Variants in SLC22A23 observed in about 807,000 individuals in gnomAD.
The protein encoded by SLC22A23 is ion transporter protein.
Under a neutral mutation model 61.0 loss-of-function variants are expected in SLC22A23, and 26 were observed. The ratio of observed to expected loss-of-function variants is 0.43; its 90% CI spans 0.31 to 0.59. SLC22A23 has a LOEUF of 0.59. SLC22A23 is among the 20% of genes least tolerant of loss of function. The pLI is 0.11. For missense variants in SLC22A23, 796 were observed against 934.7 expected, an observed-to-expected ratio of 0.85 and a Z score of 1.94; for synonymous variants, 430 against 413.9, an observed-to-expected ratio of 1.04 and a Z score of -0.47.
chr6:3,289,961 C>A (rs1015499805), intron 5 of SLC22A23, 95 bp from the exon 6 acceptor site: 1 of 820,092 alleles, frequency 1.2e-6, no homozygotes. Context: ...AGTTCGGGTA[C>A]CACAGAAGGG....
chr6:3,306,374 G>T (rs781530144), intron 4 of SLC22A23, among the ~76,000 whole-genome samples: 1 of 152,192 alleles, frequency 6.6e-6, no homozygotes, highest in Non-Finnish European at 1.5e-5. Flanking sequence ...AAATAATTTG[G>T]TTCATGCAGC....
At chr6:3,432,276 G>T in intron 1 of SLC22A23, 1 of 985,462 alleles carries the variant, frequency 1.0e-6, no homozygotes, top group Non-Finnish European at 1.2e-6. Context: ...CTGAGTGAAC[G>T]CTGGCTCCTT....
Position 3,410,563 on chromosome 6 carries a change from A to C in SLC22A23, c.759-221T>G, listed in dbSNP as rs1386596736. On this transcript the variant is annotated intron_variant, in intron 2 of 9. Coordinates refer to ENST00000406686, the MANE Select transcript of SLC22A23 (RefSeq NM_015482.2). The surrounding 1 kb of genome is among the most constrained non-coding windows in gnomAD (Gnocchi z 5.0). ...TTCTCGAGATAAGGGAGCAGAGATC[A>C]ACCAATTACAGAGTAAGAGAATTCA... 6.6e-6 allele frequency among the ~76,000 whole-genome samples: 1 copy of C among 152,220 alleles called. No homozygotes were observed. The highest frequency in any genetic ancestry group is 1.5e-5 in the Non-Finnish European group (1 of 68,042).
chr6:3,295,579 G>A (rs562819604), intron 5 of SLC22A23, among the ~76,000 whole-genome samples: 3 of 152,324 alleles, frequency 2.0e-5, no homozygotes, highest in African/African-American at 7.2e-5. Context: ...CGGCCAGGGC[G>A]CGAGAGGGTG....
intron 3 of SLC22A23, among the ~76,000 whole-genome samples, chr6:3,400,124 C>A (rs1365954081): frequency 2.6e-5 from 4 of 152,162 alleles, no homozygotes; most frequent in Admixed American, 2.6e-4. Context: ...GTGATCCACC[C>A]GCCTCGGCCT....
intron 3 of SLC22A23, among the ~76,000 whole-genome samples, chr6:3,359,924 T>G (rs1488726759): frequency 1.3e-5 from 2 of 152,244 alleles, no homozygotes; most frequent in Admixed American, 6.5e-5. Context: ...TTTTTTCTTT[T>G]TTTCTTATTT....
rs982093410 is a variant in SLC22A23 at position 3,427,820 on chromosome 6, A to C, written c.655-11965T>G. On this transcript the variant is annotated intron_variant, in intron 1 of 9. Transcript: ENST00000406686. This position sits in a 1 kb window ranked among gnomAD's most constrained non-coding sequence, Gnocchi z 4.3. ...ATTTTCTTCCTTTGAACTAACTATT[A>C]ATCTTCTAAAAACACCGTGCCAAAC... Among the ~76,000 whole-genome samples, 1 of 152,040 alleles carries C rather than the reference A, an allele frequency of 6.6e-6. No homozygotes were observed. The highest frequency in any genetic ancestry group is 1.5e-5 in the Non-Finnish European group (1 of 68,014).
chr6:3,278,418 A>G (rs34854509), intron 9 of SLC22A23, among the ~76,000 whole-genome samples: 6 of 152,198 alleles, frequency 3.9e-5, no homozygotes, highest in African/African-American at 1.2e-4. Flanking sequence ...CAGATACTCA[A>G]ACTCCTCCCA....
At chr6:3,445,805 C>T (rs1771866347) in intron 1 of SLC22A23, among the ~76,000 whole-genome samples, 1 of 152,008 alleles carries the variant, frequency 6.6e-6, no homozygotes, top group African/African-American at 2.4e-5. Context: ...ATACAAGATG[C>T]CCCCTACAAC....
At position 3,372,373 on chromosome 6, in the gene SLC22A23, G is replaced by C. The variant is rs938256044; in HGVS notation, c.913+37815C>G. On this transcript the variant is annotated intron_variant, in intron 3 of 9. Transcript: ENST00000406686. The surrounding 1 kb of genome is among the most constrained non-coding windows in gnomAD (Gnocchi z 4.7). ...GATGCACGAAGGTCTAAGCCTGCAGGCTCCTCCTGCTGGCTGTGCTGGGAA... is the reference window on the plus strand; with the variant it reads ...GATGCACGAAGGTCTAAGCCTGCAGCCTCCTCCTGCTGGCTGTGCTGGGAA... Among the ~76,000 whole-genome samples, 2 of 152,238 alleles carry C rather than the reference G, an allele frequency of 1.3e-5. No homozygotes were observed. The highest frequency in any genetic ancestry group is 6.5e-5 in the Admixed American group (1 of 15,288).
Position 3,309,855 on chromosome 6 carries a change from G to T in SLC22A23, c.1083-11637C>A, listed in dbSNP as rs1187502550. Among the ~76,000 whole-genome samples, 9 of 152,200 alleles carry T rather than the reference G, an allele frequency of 5.9e-5. No homozygotes were observed. The highest frequency in any genetic ancestry group is 8.8e-5 in the Non-Finnish European group (6 of 68,040). Reference sequence around the variant, plus strand: ...AACCCAGCCCCTCACTGCACAGCAGGTGACCTAGGCCTGGCCATGCTAATA... The same window carrying T: ...AACCCAGCCCCTCACTGCACAGCAGTTGACCTAGGCCTGGCCATGCTAATA... On this transcript the variant is annotated intron_variant, in intron 4 of 9. Transcript: ENST00000406686. This position sits in a 1 kb window ranked among gnomAD's most constrained non-coding sequence, Gnocchi z 4.7.
In SLC22A23 at chr6:3,286,960, G is replaced by T; in HGVS notation, c.1445C>A (p.Ala482Asp). ...TASIALVSCL[A>D]MCVVVRFLGR... Reference sequence around the variant, plus strand: ...GAGGAATCGGACCACCACGCACATGGCCAGGCAGGACACCAGCGCGATGCT... The same window carrying T: ...GAGGAATCGGACCACCACGCACATGTCCAGGCAGGACACCAGCGCGATGCT... Residue 482 changes from alanine (A) to aspartate (D), a missense_variant, in exon 7 of 10, where the codon GCC becomes GAC. Coordinates refer to ENST00000406686, the MANE Select transcript of SLC22A23 (RefSeq NM_015482.2). The surrounding 1 kb of genome is among the most constrained non-coding windows in gnomAD (Gnocchi z 4.2). The T allele has an allele frequency of 6.2e-7, 1 of 1,614,094 alleles. No homozygotes were observed. Among genetic ancestry groups the T allele is most frequent in the Non-Finnish European group, 8.5e-7 (1 of 1,180,034 alleles).
chr6:3,446,231 G>A (rs1771889524), intron 1 of SLC22A23, among the ~76,000 whole-genome samples: 1 of 152,184 alleles, frequency 6.6e-6, no homozygotes, highest in South Asian at 2.1e-4. Flanking sequence ...CCCATGGTAA[G>A]GGCCACTCTG....
chr6:3,359,805 C>T (rs1323623182), intron 3 of SLC22A23, among the ~76,000 whole-genome samples: 3 of 152,126 alleles, frequency 2.0e-5, no homozygotes, highest in Non-Finnish European at 4.4e-5. Context: ...CGCAGGTGTC[C>T]ATCAACAGAT....
chr6:3,350,902 T>C (rs1764730447), intron 3 of SLC22A23, among the ~76,000 whole-genome samples: 1 of 152,074 alleles, frequency 6.6e-6, no homozygotes, highest in Non-Finnish European at 1.5e-5. Context: ...TCATCTTGTA[T>C]CTTCAAAGGG....
intron 3 of SLC22A23, among the ~76,000 whole-genome samples, chr6:3,385,059 C>T (rs752905260): frequency 6.6e-6 from 1 of 152,056 alleles, no homozygotes; most frequent in Non-Finnish European, 1.5e-5. Context: ...GAAAGGAGAA[C>T]GGCGGTTACC....
chr6:3,352,271 GCA>G (rs57754893), intron 3 of SLC22A23, among the ~76,000 whole-genome samples: 54,176 of 148,960 alleles, frequency 0.36, 10,750 homozygotes, highest in African/African-American at 0.54. Flanking sequence ...ACACAGACAT[GCA>G]CACACACACA....
At chr6:3,437,467 C>T (rs1329783717) in intron 1 of SLC22A23, among the ~76,000 whole-genome samples, 2 of 151,690 alleles carry the variant, frequency 1.3e-5, no homozygotes, top group Non-Finnish European at 2.9e-5. Context: ...CATGAGGTCA[C>T]GAGATGGAGA....
Position 3,269,511 on chromosome 6 carries a change from C to G in SLC22A23, c.*3544G>C, listed in dbSNP as rs1758338687. On this transcript the variant is annotated 3_prime_UTR_variant, in exon 10 of 10. Transcript: ENST00000406686. ...TGTACATTTACATACAAATTTTCCCCAAAGGTACAACAGATGCGACACCAT... is the reference window on the plus strand; with the variant it reads ...TGTACATTTACATACAAATTTTCCCGAAAGGTACAACAGATGCGACACCAT... 1 of 152,794 alleles carries G rather than the reference C, an allele frequency of 6.5e-6. No homozygotes were observed. The highest frequency in any genetic ancestry group is 1.5e-5 in the Non-Finnish European group (1 of 68,054). The allele number at this position is 152,794 out of a possible 1,614,324, so 9.5% of individuals were successfully genotyped here.
Sources: allele counts gnomAD v4.1 joint callset (sites outside exome capture counted in the v4.1 genomes callset), GRCh38; gene constraint gnomAD v4.1.1; non-coding constraint Gnocchi (gnomAD v3.1); transcripts MANE v1.5; gene names NCBI Gene and HGNC (gene_info 2026-07-23, HGNC 2026-07-21).